The following RDH14 variants were observed in gnomAD, a reference collection of about 807,000 sequenced individuals.
RDH14 encodes the protein alcohol dehydrogenase PAN2.
Under a neutral mutation model 19.3 loss-of-function variants are expected in RDH14, and 17 were observed. That is an observed-to-expected ratio of 0.88 (90% CI 0.60 to 1.32). The LOEUF (loss-of-function observed/expected upper bound fraction) is 1.32. Among genes scored for constraint, RDH14 ranks in the 40% most tolerant of loss-of-function variants. The probability of loss-of-function intolerance (pLI) is 0.00; values close to 1 mark genes in which losing one functional copy is unlikely to be tolerated. For missense variants in RDH14, 534 were observed against 449.2 expected (o/e 1.19, Z -1.71); for synonymous variants, 215 against 188.9 (o/e 1.14, Z -1.13).
intron 1 of RDH14, among the ~76,000 whole-genome samples, chr2:18,559,895 G>T (rs1319753208): frequency 1.3e-5 from 2 of 152,178 alleles, no homozygotes; most frequent in South Asian, 4.1e-4. Context: ...GTAACGAAAT[G>T]AAACGTTCAG....
chr2:18,560,324 C>T lies in RDH14; in HGVS notation c.249G>A (p.Ala83=), dbSNP rs1471687078. ...GGAGCTCGCGGCGGAGCTGACCCGC[C>T]GCCTCCTCGGCGCGCGCGCGGTCCC... The part of the protein sequence containing the change: ...GCRDRARAEE[A]AGQLRRELRQ... Residue 83 remains alanine (A), a synonymous_variant, in exon 1 of 2, where the codon GCG becomes GCA. Transcript: ENST00000381249. The T allele has an allele frequency of 9.9e-6, 14 of 1,418,266 alleles. No individual in the cohort carries two copies. Among genetic ancestry groups the T allele is most frequent in the Non-Finnish European group, 1.2e-5 (13 of 1,098,940 alleles). The allele number at this position is 1,418,266 out of a possible 1,614,324, so 87.9% of individuals were successfully genotyped here. A position where few individuals can be genotyped will look rare whatever the true frequency, so the allele number is the denominator to read the frequency against.
Position 18,560,462 on chromosome 2 carries a change from G to A in RDH14, c.111C>T (p.Asp37=). 4 of 1,513,626 alleles carry A rather than the reference G, an allele frequency of 2.6e-6. No homozygotes were observed. Among genetic ancestry groups the A allele is most frequent in the East Asian group, 2.6e-5 (1 of 37,842 alleles). 93.8% of individuals were successfully genotyped at this position (1,513,626 alleles called of 1,614,324 possible). Residue 37 remains aspartate (D), a synonymous_variant, in exon 1 of 2, where the codon GAC becomes GAT. Transcript: ENST00000381249. ...PRVQRLRRGG[D]PGLMHGKTVL... Reference sequence around the variant, plus strand: ...CAGTCTTCCCGTGCATGAGGCCGGGGTCCCCGCCTCTGCGCAGCCGCTGGA... The same window carrying A: ...CAGTCTTCCCGTGCATGAGGCCGGGATCCCCGCCTCTGCGCAGCCGCTGGA...
chr2:18,559,986 T>A (rs1056564299), intron 1 of RDH14, among the ~76,000 whole-genome samples, 194 bp downstream of exon 1: 1 of 152,096 alleles, frequency 6.6e-6, no homozygotes, highest in African/African-American at 2.4e-5. Flanking sequence ...TCCCAGTTAG[T>A]TTCTCTTTCC....
chr2:18,558,516 T>C (rs1442197372), intron 1 of RDH14, among the ~76,000 whole-genome samples: 1 of 152,144 alleles, frequency 6.6e-6, no homozygotes, highest in Non-Finnish European at 1.5e-5. Context: ...AAGCTACATA[T>C]CACCCTCATA....
chr2:18,560,351 G>A lies in RDH14; in HGVS notation c.222C>T (p.Cys74=), dbSNP rs1373631002. 10 of 1,427,754 alleles carry A rather than the reference G, an allele frequency of 7.0e-6. No homozygotes were observed. The highest frequency in any genetic ancestry group is 9.1e-6 in the Non-Finnish European group (10 of 1,103,014). The allele number at this position is 1,427,754 out of a possible 1,614,324, so 88.4% of individuals were successfully genotyped here. A position where few individuals can be genotyped will look rare whatever the true frequency, so the allele number is the denominator to read the frequency against. The change falls in exon 1 of 2, where the codon TGC becomes TGT. Residue 74 remains cysteine, a synonymous_variant. Coordinates refer to ENST00000381249, the MANE Select transcript of RDH14 (RefSeq NM_020905.4). ...CCTCCTCGGCGCGCGCGCGGTCCCGGCAGCCCATGATCACCCGCGCTCCCA... is the reference window on the plus strand; with the variant it reads ...CCTCCTCGGCGCGCGCGCGGTCCCGACAGCCCATGATCACCCGCGCTCCCA... ...LRLGARVIMG[C]RDRARAEEAA... is the part of the protein sequence containing the mutation.
intron 1 of RDH14, among the ~76,000 whole-genome samples, chr2:18,557,404 T>A (rs575774472): frequency 6.6e-6 from 1 of 152,356 alleles, no homozygotes; most frequent in African/African-American, 2.4e-5. Context: ...TGTCTAAGCA[T>A]CTTTGGGTTT....
rs1003494665 is a variant in RDH14, at chr2:18,560,318, A to T, written c.255T>A (p.Gly85=). The T allele has an allele frequency of 3.4e-5, 48 of 1,424,032 alleles. No homozygotes were observed. In the African/African-American group the frequency reaches 6.9e-4, roughly 21 times the overall value. 88.2% of individuals were successfully genotyped at this position (1,424,032 alleles called of 1,614,324 possible). A position where few individuals can be genotyped will look rare whatever the true frequency, so the allele number is the denominator to read the frequency against. Residue 85 remains glycine (G), a synonymous_variant, in exon 1 of 2, where the codon GGT becomes GGA. Coordinates refer to ENST00000381249, the MANE Select transcript of RDH14 (RefSeq NM_020905.4). The stretch of plus-strand genomic sequence containing the variant: ...CCTGGCGGAGCTCGCGGCGGAGCTG[A>T]CCCGCCGCCTCCTCGGCGCGCGCGC... The part of the protein sequence containing the change: ...RDRARAEEAA[G]QLRRELRQAA...
chr2:18,558,470 A>G (rs554485447), intron 1 of RDH14, among the ~76,000 whole-genome samples: 1 of 152,278 alleles, frequency 6.6e-6, no homozygotes, highest in East Asian at 1.9e-4. Context: ...CCTGCCTCCC[A>G]TTTTATTCCT....
Position 18,555,713 on chromosome 2 carries a change from C to T in RDH14, c.489G>A (p.Val163=). ...TGAGTAGAAAGTGCCCCAGATGGTT[C>T]ACTCCGAACTGCATCTCAAACCCAT... ...TEDGFEMQFG[V]NHLGHFLLTN... is the part of the protein sequence containing the mutation. The change falls in exon 2 of 2, where the codon GTG becomes GTA. Residue 163 remains valine, a synonymous_variant. Coordinates refer to ENST00000381249, the MANE Select transcript of RDH14 (RefSeq NM_020905.4). 6.2e-7 allele frequency: 1 copy of T among 1,614,078 alleles called. No homozygotes were observed. Among genetic ancestry groups the T allele is most frequent in the East Asian group, 2.2e-5 (1 of 44,880 alleles).
At chr2:18,559,151 T>G (rs984190284) in intron 1 of RDH14, among the ~76,000 whole-genome samples, 6 of 152,256 alleles carry the variant, frequency 3.9e-5, no homozygotes, top group African/African-American at 1.2e-4. Flanking sequence ...CTACGTCATA[T>G]AGGCACCTTT....
intron 1 of RDH14, among the ~76,000 whole-genome samples, chr2:18,556,330 T>C (rs1365503035): frequency 6.6e-6 from 1 of 152,208 alleles, no homozygotes; most frequent in African/African-American, 2.4e-5. Context: ...TCAGTTGAAC[T>C]AGGAAAATAT....
rs199674055 is a variant in RDH14, at chr2:18,555,392, C to A, written c.810G>T (p.Leu270Phe). The change falls in exon 2 of 2, where the codon TTG becomes TTT. Residue 270 changes from leucine (L) to phenylalanine (F), a missense_variant. Leu to Phe is a conservative substitution (Grantham distance 22). Transcript: ENST00000381249. ...IPLLVKPLFN[L>F]VSWAFFKTPV... ...GAGTTTTGAAAAAAGCCCATGACAC[C>A]AAATTGAAGAGTGGTTTGACCAACA... 66 of 1,614,022 alleles carry A rather than the reference C, an allele frequency of 4.1e-5. No individual in the cohort carries two copies. The highest frequency in any genetic ancestry group is 5.4e-5 in the Non-Finnish European group (64 of 1,179,990).
In RDH14 at chr2:18,554,827, A is replaced by C. The variant is rs1663864416; in HGVS notation, c.*364T>G. The C allele has an allele frequency of 5.2e-6, 1 of 192,694 alleles. No individual in the cohort carries two copies. Among genetic ancestry groups the C allele is most frequent in the Non-Finnish European group, 1.1e-5 (1 of 92,650 alleles). 11.9% of individuals were successfully genotyped at this position (192,694 alleles called of 1,614,324 possible). A position where few individuals can be genotyped will look rare whatever the true frequency, so the allele number is the denominator to read the frequency against. ...AAACATTGTAGTAAAACTAGTTAAC[A>C]CTTTGGCCATGAAACTCAAAGATAC... On this transcript the variant is annotated 3_prime_UTR_variant, in exon 2 of 2. Transcript: ENST00000381249.
chr2:18,560,206 G>T lies in RDH14; in HGVS notation c.367C>A (p.Arg123Ser). The change falls in exon 1 of 2, where the codon CGC (arginine) becomes AGC (serine). Residue 123 changes from arginine to serine, a missense_variant. By Grantham distance (110) the Arg-to-Ser change is moderately radical (BLOSUM62 -1). Coordinates refer to ENST00000381249, the MANE Select transcript of RDH14 (RefSeq NM_020905.4). ...ELDLASLRSV[R>S]AFCQEMLQEE... The stretch of plus-strand genomic sequence containing the variant: ...TGGAGCATTTCCTGGCAGAAGGCGC[G>T]CACCGAGCGCAGCGAGGCGAGGTCC... The T allele has an allele frequency of 5.9e-6, 9 of 1,527,414 alleles. No homozygotes were observed. The highest frequency in any genetic ancestry group is 7.9e-6 in the Non-Finnish European group (9 of 1,143,720). 94.6% of individuals were successfully genotyped at this position (1,527,414 alleles called of 1,614,324 possible).
rs973443041 is a variant in RDH14, at chr2:18,560,416, T to G, written c.157A>C (p.Ser53Arg). 8 of 1,501,148 alleles carry G rather than the reference T, an allele frequency of 5.3e-6. No homozygotes were observed. The highest frequency in any genetic ancestry group is 6.2e-6 in the Non-Finnish European group (7 of 1,134,220). The allele number at this position is 1,501,148 out of a possible 1,614,324, so 93.0% of individuals were successfully genotyped here. A position where few individuals can be genotyped will look rare whatever the true frequency, so the allele number is the denominator to read the frequency against. Reference sequence around the variant, plus strand: ...GCGGCCGTGGCGCGGCCCAGGCCGCTGTTCGCCCCGGTGATCAGCACAGTC... The same window carrying G: ...GCGGCCGTGGCGCGGCCCAGGCCGCGGTTCGCCCCGGTGATCAGCACAGTC... ...GKTVLITGAN[S>R]GLGRATAAEL... The change falls in exon 1 of 2, where the codon AGC becomes CGC. Residue 53 changes from serine to arginine, a missense_variant. Transcript: ENST00000381249.
At chr2:18,558,480 T>C (rs1174500996) in intron 1 of RDH14, among the ~76,000 whole-genome samples, 2 of 152,202 alleles carry the variant, frequency 1.3e-5, no homozygotes, top group East Asian at 3.8e-4. Context: ...ATTTTATTCC[T>C]AAATAAGATA....
In RDH14 at chr2:18,560,219, C is replaced by A; in HGVS notation, c.354G>T (p.Ser118=). The A allele has an allele frequency of 2.6e-6, 4 of 1,527,698 alleles. No homozygotes were observed. The highest frequency in any genetic ancestry group is 3.5e-6 in the Non-Finnish European group (4 of 1,143,880). The allele number at this position is 1,527,698 out of a possible 1,614,324, so 94.6% of individuals were successfully genotyped here. A position where few individuals can be genotyped will look rare whatever the true frequency, so the allele number is the denominator to read the frequency against. Residue 118 remains serine, a synonymous_variant, in exon 1 of 2, where the codon TCG becomes TCT. Transcript: ENST00000381249. ...ELIVRELDLA[S]LRSVRAFCQE... ...GGCAGAAGGCGCGCACCGAGCGCAG[C>A]GAGGCGAGGTCCAGCTCCCGGACTA...
In RDH14 at chr2:18,560,272, G is replaced by C. The variant is rs1234835180; in HGVS notation, c.301C>G (p.Pro101Ala). ...LRQAAECGPE[P>A]GVSGVGELIV... is the part of the protein sequence containing the mutation. ...AGCTCGCCCACCCCGCTGACGCCAG[G>C]CTCTGGGCCGCACTCCGCGGCCTGG... The change falls in exon 1 of 2, where the codon CCT (proline) becomes GCT (alanine). Residue 101 changes from proline (P) to alanine (A), a missense_variant. By Grantham distance (27) the Pro-to-Ala change is conservative (BLOSUM62 -1). Transcript: ENST00000381249. 4 of 1,507,798 alleles carry C rather than the reference G, an allele frequency of 2.7e-6. No individual in the cohort carries two copies. The Admixed American group carries it at 8.3e-5, about 31-fold the overall frequency. The allele number at this position is 1,507,798 out of a possible 1,614,324, so 93.4% of individuals were successfully genotyped here.
chr2:18,555,832 G>C, intron 1 of RDH14, 24 bp from the exon 2 acceptor site: 3 of 1,573,742 alleles, frequency 1.9e-6, no homozygotes, highest in Non-Finnish European at 2.6e-6. Flanking sequence ...AAAGAGAATG[G>C]CAGAATTATT....
Sources: allele counts gnomAD v4.1 joint callset (sites outside exome capture counted in the v4.1 genomes callset), GRCh38; gene constraint gnomAD v4.1.1; transcripts MANE v1.5; gene names NCBI Gene and HGNC (gene_info 2026-07-23, HGNC 2026-07-21).